The following TRIM22 variants were observed in gnomAD, a reference collection of about 807,000 sequenced individuals.
TRIM22 encodes the protein E3 ubiquitin-protein ligase TRIM22.
Under a neutral mutation model 53.6 loss-of-function variants are expected in TRIM22, and 45 were observed. The ratio of observed to expected loss-of-function variants is 0.84; its 90% CI spans 0.66 to 1.08. The LOEUF is 1.08. TRIM22 is among the 50% of genes least tolerant of loss of function. The pLI is 0.00. For missense variants in TRIM22, 616 were observed against 590.9 expected, an observed-to-expected ratio of 1.04 and a Z score of -0.44; for synonymous variants, 225 against 216.6, an observed-to-expected ratio of 1.04 and a Z score of -0.34.
In TRIM22 at chr11:5,700,605, T is replaced by TTTC. The variant is rs369811867; in HGVS notation, c.750+2060_750+2061insTTC. 4.0e-4 allele frequency among the ~76,000 whole-genome samples: 37 copies of TTTC among 92,942 alleles called. 1 individual carries two copies. Among genetic ancestry groups the TTTC allele is most frequent in the African/African-American group, 1.4e-3 (31 of 22,710 alleles). The allele number at this position is 92,942 out of a possible 152,430, so 61.0% of individuals were successfully genotyped here. On this transcript the variant is annotated intron_variant, in intron 4 of 7. Coordinates refer to ENST00000379965, the MANE Select transcript of TRIM22 (RefSeq NM_006074.5). ...GAGTCTTTTTTTTTTTTTTTTTTTTTCAGATTTGTAATGAAGTTGAGAAAC... is the reference window on the plus strand; with the variant it reads ...GAGTCTTTTTTTTTTTTTTTTTTTTTTTCCAGATTTGTAATGAAGTTGAGAAAC...
chr11:5,700,865 C>G (rs1186746169), intron 4 of TRIM22, among the ~76,000 whole-genome samples: 1 of 151,794 alleles, frequency 6.6e-6, no homozygotes, highest in Admixed American at 6.6e-5. Flanking sequence ...CTCAGATGCA[C>G]CCGGCCGAGA....
chr11:5,690,627 A>T (rs1381863051), intron 1 of TRIM22, among the ~76,000 whole-genome samples: 1 of 152,230 alleles, frequency 6.6e-6, no homozygotes, highest in Non-Finnish European at 1.5e-5. Flanking sequence ...GGCACTGTGA[A>T]TTAAAGAATA....
At chr11:5,699,437 T>G (rs1853326901) in intron 4 of TRIM22, among the ~76,000 whole-genome samples, 1 of 136,034 alleles carries the variant, frequency 7.4e-6, no homozygotes, top group Non-Finnish European at 1.5e-5. Flanking sequence ...GGCAGGAGAA[T>G]GGCGTGAACC....
chr11:5,698,577 G>C lies in TRIM22; in HGVS notation c.750+32G>C, dbSNP rs761339435. The C allele has an allele frequency of 5.1e-6, 8 of 1,553,860 alleles. No individual in the cohort carries two copies. In the African/African-American group the frequency reaches 9.7e-5, roughly 19 times the overall value. ...CTTGGGATGGAGCACCTACGTAAGA[G>C]ATTAGGGGAAAAACACAGAGGCCGA... On this transcript the variant is annotated intron_variant, in intron 4 of 7. Transcript: ENST00000379965.
Position 5,709,380 on chromosome 11 carries a change from T to C in TRIM22, c.1229T>C (p.Ile410Thr), listed in dbSNP as rs779583116. Reference sequence around the variant, plus strand: ...AGACCTCAATATGGCTACTGGGTTATAGGATTACAGAATACATGTGAATAT... The same window carrying C: ...AGACCTCAATATGGCTACTGGGTTACAGGATTACAGAATACATGTGAATAT... ...RYRPQYGYWV[I>T]GLQNTCEYNA... The change falls in exon 8 of 8, where the codon ATA (isoleucine) becomes ACA (threonine). Residue 410 changes from isoleucine to threonine, a missense_variant. By Grantham distance (89) the Ile-to-Thr change is moderately conservative. Transcript: ENST00000379965. The C allele has an allele frequency of 6.2e-6, 10 of 1,614,208 alleles. No individual in the cohort carries two copies. Among genetic ancestry groups the C allele is most frequent in the African/African-American group, 2.7e-5 (2 of 75,050 alleles).
intron 1 of TRIM22, among the ~76,000 whole-genome samples, chr11:5,695,819 A>T (rs914501761): frequency 6.6e-6 from 1 of 152,200 alleles, no homozygotes; most frequent in African/African-American, 2.4e-5. Flanking sequence ...GGGTGTGTTT[A>T]GTGCATTTAA....
At position 5,696,565 on chromosome 11, in the gene TRIM22, T is replaced by A; in HGVS notation, c.333T>A (p.Asp111Glu). The A allele has an allele frequency of 6.2e-7, 1 of 1,614,208 alleles. No individual in the cohort carries two copies. Among genetic ancestry groups the A allele is most frequent in the Middle Eastern group, 1.6e-4 (1 of 6,062 alleles). ...GKKLQIFCKE[D>E]GKVICWVCEL... ...AACTCCAGATCTTCTGTAAGGAGGA[T>A]GGAAAAGTCATTTGCTGGGTTTGTG... The change falls in exon 2 of 8, where the codon GAT (aspartate) becomes GAA (glutamate). Residue 111 changes from aspartate (D) to glutamate (E), a missense_variant. Coordinates refer to ENST00000379965, the MANE Select transcript of TRIM22 (RefSeq NM_006074.5).
At chr11:5,691,352 T>A (rs979168457) in intron 1 of TRIM22, among the ~76,000 whole-genome samples, 3 of 152,110 alleles carry the variant, frequency 2.0e-5, no homozygotes, top group African/African-American at 7.2e-5. Flanking sequence ...GGGGGCTGCA[T>A]ACACCGGTAA....
rs749613785 is a variant in TRIM22 at position 5,698,570 on chromosome 11, C to T, written c.750+25C>T. On this transcript the variant is annotated intron_variant, in intron 4 of 7. Coordinates refer to ENST00000379965, the MANE Select transcript of TRIM22 (RefSeq NM_006074.5). ...GGTAAGACTTGGGATGGAGCACCTA[C>T]GTAAGAGATTAGGGGAAAAACACAG... The T allele has an allele frequency of 1.0e-4, 161 of 1,572,288 alleles. 1 individual carries two copies. The highest frequency in any genetic ancestry group is 3.6e-4 in the Middle Eastern group (2 of 5,598).
At chr11:5,705,253 A>G (rs1301092290) in intron 4 of TRIM22, among the ~76,000 whole-genome samples, 1 of 152,216 alleles carries the variant, frequency 6.6e-6, no homozygotes, top group Non-Finnish European at 1.5e-5. Context: ...TGTCATGAGT[A>G]AAAAGAGCCG....
intron 4 of TRIM22, among the ~76,000 whole-genome samples, chr11:5,702,099 A>C (rs879622931): frequency 7.8e-4 from 115 of 146,924 alleles, no homozygotes; most frequent in African/African-American, 1.6e-3. Flanking sequence ...AGTTATATAT[A>C]ATATACATAA....
chr11:5,696,742 C>T lies in TRIM22; in HGVS notation c.423+87C>T, dbSNP rs1853269433. 5 of 1,378,656 alleles carry T rather than the reference C, an allele frequency of 3.6e-6. No individual in the cohort carries two copies. In the East Asian group the frequency reaches 1.2e-4, roughly 32 times the overall value. The allele number at this position is 1,378,656 out of a possible 1,614,324, so 85.4% of individuals were successfully genotyped here. A position where few individuals can be genotyped will look rare whatever the true frequency, so the allele number is the denominator to read the frequency against. On this transcript the variant is annotated intron_variant, in intron 2 of 7. Coordinates refer to ENST00000379965, the MANE Select transcript of TRIM22 (RefSeq NM_006074.5). ...TCCACTTTTTTTGTCCTGCTTTATT[C>T]CCCTTGTCACCATAGAACGGAGAGC...
chr11:5,709,996 C>G lies in TRIM22; in HGVS notation c.*348C>G, dbSNP rs1373848711. ...CTTCACATTGTCTTTATGTACATCT[C>G]TGTGCCCAAGTTTTCCCTTTTTATT... On this transcript the variant is annotated 3_prime_UTR_variant, in exon 8 of 8. Coordinates refer to ENST00000379965, the MANE Select transcript of TRIM22 (RefSeq NM_006074.5). 3 of 217,460 alleles carry G rather than the reference C, an allele frequency of 1.4e-5. No individual in the cohort carries two copies. In the East Asian group the frequency reaches 2.9e-4, roughly 21 times the overall value. 13.5% of individuals were successfully genotyped at this position (217,460 alleles called of 1,614,324 possible). A position where few individuals can be genotyped will look rare whatever the true frequency, so the allele number is the denominator to read the frequency against.
At chr11:5,698,678 C>G in intron 4 of TRIM22, 133 bp downstream of exon 4, 1 of 683,924 alleles carries the variant, frequency 1.5e-6, no homozygotes, top group South Asian at 1.9e-5. Flanking sequence ...CGGCATGCCC[C>G]TTTTATGCCC....
chr11:5,697,167 A>G, intron 2 of TRIM22, 81 bp from the exon 3 acceptor site: 1 of 1,075,986 alleles, frequency 9.3e-7, no homozygotes, highest in Non-Finnish European at 1.3e-6. Flanking sequence ...TCTGAGAGCC[A>G]TCCAATTTCT....
At chr11:5,697,515 T>G (rs1853287580) in intron 3 of TRIM22, 172 bp downstream of exon 3, 1 of 510,310 alleles carries the variant, frequency 2.0e-6, no homozygotes, top group African/African-American at 1.9e-5. Context: ...GGCTGGAGAG[T>G]AGACATATCA....
At chr11:5,706,502 A>G (rs1481001194) in intron 4 of TRIM22, 92 bp from the exon 5 acceptor site, 10 of 1,173,694 alleles carry the variant, frequency 8.5e-6, no homozygotes, top group African/African-American at 1.6e-5. Flanking sequence ...CAAAAAATAT[A>G]TTGTTTATCC....
At chr11:5,708,484 T>C in intron 6 of TRIM22, 93 bp from the exon 7 acceptor site, 1 of 1,263,792 alleles carries the variant, frequency 7.9e-7, no homozygotes, top group Non-Finnish European at 1.1e-6. Context: ...ATCCCAGTAT[T>C]CCCCCTTTCC....
At chr11:5,693,648 A>G (rs12786517) in intron 1 of TRIM22, among the ~76,000 whole-genome samples, 136,780 of 147,918 alleles carry the variant, frequency 0.92, 63,460 homozygotes, top group Non-Finnish European at 0.97. Flanking sequence ...CGTGAACCCG[A>G]GAGGCGGAGC....
Sources: allele counts gnomAD v4.1 joint callset (sites outside exome capture counted in the v4.1 genomes callset), GRCh38; gene constraint gnomAD v4.1.1; transcripts MANE v1.5; gene names NCBI Gene and HGNC (gene_info 2026-07-23, HGNC 2026-07-21).